The following MAPK8IP2 variants were observed in gnomAD, a reference collection of about 807,000 sequenced individuals.
The protein encoded by MAPK8IP2 is C-Jun-amino-terminal kinase-interacting protein 2.
MAPK8IP2 carries 15 observed loss-of-function variants against 75.6 expected under a neutral mutation model. The observed-to-expected ratio is 0.20, with a 90% CI of 0.13 to 0.31. The LOEUF is 0.31. Ranked by LOEUF, MAPK8IP2 falls within the 10% of genes least tolerant of loss-of-function variation. MAPK8IP2 has a pLI of 1.00. For synonymous variants in MAPK8IP2, 632 were observed against 554.5 expected, an observed-to-expected ratio of 1.14 and a Z score of -1.96; for missense variants, 1,089 against 1,211.2, an observed-to-expected ratio of 0.90 and a Z score of 1.50.
chr22:50,601,957 CGTTCACTTGGGGTTTTAGG>C, intron 2 of MAPK8IP2, 63 bp downstream of exon 2: 1 of 1,396,826 alleles, frequency 7.2e-7, no homozygotes, highest in Non-Finnish European at 1.0e-6. Flanking sequence ...TTCTTCTTAG[CGTTCACTTGGGGTTTTAGG>C]GTGGGTGTGA....
intron 2 of MAPK8IP2, 37 bp downstream of exon 2, chr22:50,601,931 G>A (rs1193747077): frequency 6.5e-7 from 1 of 1,542,188 alleles, no homozygotes; most frequent in Middle Eastern, 1.7e-4. Flanking sequence ...CCAGCTCAAG[G>A]GAGGGCCTCA....
At chr22:50,601,565 G>T (rs2070938597) in intron 1 of MAPK8IP2, 2 of 520,550 alleles carry the variant, frequency 3.8e-6, no homozygotes, top group Admixed American at 3.2e-5. Flanking sequence ...GGAGGGGTGG[G>T]GGCAGGGTTG....
Position 50,605,382 on chromosome 22 carries a change from G to C in MAPK8IP2, c.1780G>C (p.Gly594Arg). 1 of 1,613,584 alleles carries C rather than the reference G, an allele frequency of 6.2e-7. No homozygotes were observed. Among genetic ancestry groups the C allele is most frequent in the Non-Finnish European group, 8.5e-7 (1 of 1,179,860 alleles). The change falls in exon 6 of 12, where the codon GGC becomes CGC. Residue 594 changes from glycine (G) to arginine (R), a missense_variant. Coordinates refer to ENST00000329492, the MANE Select transcript of MAPK8IP2 (RefSeq NM_012324.6). ...GGGTCTCCCAGGCACCGAGTCCTTT[G>C]GCCTTTTCTCCTGTCTGGTCAACGG... is the stretch of plus-strand genomic sequence containing the variant. ...TSRSSSTESF[G>R]LFSCLVNGEE...
chr22:50,605,133 G>C (rs1025333587), intron 5 of MAPK8IP2, 69 bp downstream of exon 5: 13 of 1,574,864 alleles, frequency 8.3e-6, no homozygotes, highest in South Asian at 2.2e-5. Context: ...CCAGTCCCAG[G>C]GTCCCCCACA....
rs1269870049 is a variant in MAPK8IP2 at position 50,606,733 on chromosome 22, G to C, written c.2200G>C (p.Val734Leu). The C allele has an allele frequency of 1.3e-6, 2 of 1,587,254 alleles. No individual in the cohort carries two copies. The highest frequency in any genetic ancestry group is 1.7e-6 in the Non-Finnish European group (2 of 1,167,014). Residue 734 changes from valine (V) to leucine (L), a missense_variant, in exon 9 of 12, where the codon GTC becomes CTC. Coordinates refer to ENST00000329492, the MANE Select transcript of MAPK8IP2 (RefSeq NM_012324.6). ...TGACCTCGAGATCTCTCTTCGGGGG[G>C]TCAAGCTGAGTCTGAGCGGAGGAGG... Reference protein sequence around the residue: ...SCDLEISLRGVKLSLSGGGPE... With the variant: ...SCDLEISLRGLKLSLSGGGPE...
chr22:50,604,320 C>T lies in MAPK8IP2; in HGVS notation c.1021C>T (p.Leu341Phe), dbSNP rs1303443887. Residue 341 changes from leucine (L) to phenylalanine (F), a missense_variant, in exon 5 of 12, where the codon CTC becomes TTC. Around this residue, in one of 2 missense-constraint regions of MAPK8IP2, gnomAD observed 960 missense variants for 1,009.6 expected, o/e 0.95. Transcript: ENST00000329492. ...YESGSESEPD[L>F]SEDADSPWLL... ...GTCGGGGTCGGAGTCGGAGCCGGAC[C>T]TCAGCGAGGACGCGGACTCGCCCTG... The T allele has an allele frequency of 4.5e-6, 7 of 1,541,826 alleles. No homozygotes were observed. Among genetic ancestry groups the T allele is most frequent in the East Asian group, 2.4e-5 (1 of 41,166 alleles).
rs992925208 is a variant in MAPK8IP2, at chr22:50,607,403, C to T, written c.2303+412C>T. Among the ~76,000 whole-genome samples the T allele has an allele frequency of 6.6e-5, 10 of 151,976 alleles. No homozygotes were observed. The highest frequency in any genetic ancestry group is 2.2e-4 in the African/African-American group (9 of 41,344). ...CGGGGGCTATATAGGCTCTGGGGCC[C>T]GCGTGTAAGGGGAGCAGCTAGAAAT... On this transcript the variant is annotated intron_variant, in intron 10 of 11. Coordinates refer to ENST00000329492, the MANE Select transcript of MAPK8IP2 (RefSeq NM_012324.6). This position sits in a 1 kb window ranked among gnomAD's most constrained non-coding sequence, Gnocchi z 5.6.
chr22:50,610,357 G>A lies in MAPK8IP2; in HGVS notation c.2402+47G>A, dbSNP rs375815268. ...GGGTGCAGAATGGGTGCAGGGTTACGGAGGTGGGGAGCGGAGGTGAGCAGG... is the reference window on the plus strand; with the variant it reads ...GGGTGCAGAATGGGTGCAGGGTTACAGAGGTGGGGAGCGGAGGTGAGCAGG... On this transcript the variant is annotated intron_variant, in intron 11 of 11. Transcript: ENST00000329492. The surrounding 1 kb of genome is among the most constrained non-coding windows in gnomAD (Gnocchi z 4.3). The A allele has an allele frequency of 2.4e-5, 35 of 1,482,330 alleles. No individual in the cohort carries two copies. In the African/African-American group the frequency reaches 3.3e-4, roughly 14 times the overall value. The allele number at this position is 1,482,330 out of a possible 1,614,324, so 91.8% of individuals were successfully genotyped here.
intron 6 of MAPK8IP2, 33 bp from the exon 7 acceptor site, chr22:50,605,529 C>G (rs752847475): frequency 2.3e-6 from 2 of 851,118 alleles, no homozygotes; most frequent in Non-Finnish European, 3.7e-6. Flanking sequence ...TCAATCCCGC[C>G]CCCCTCCCCA....
intron 4 of MAPK8IP2, 24 bp from the exon 5 acceptor site, chr22:50,603,817 T>A: frequency 6.6e-7 from 1 of 1,522,162 alleles, no homozygotes; most frequent in Non-Finnish European, 8.8e-7. Context: ...GCAGAGAGGG[T>A]GACCCCACCT....
chr22:50,601,927 C>G (rs1338267552), intron 2 of MAPK8IP2, 33 bp downstream of exon 2: 1 of 1,545,796 alleles, frequency 6.5e-7, no homozygotes. Context: ...AGATCCAGCT[C>G]AAGGGAGGGC....
Position 50,602,918 on chromosome 22 carries a change from G to A in MAPK8IP2, c.172-305G>A, listed in dbSNP as rs1051058426. On this transcript the variant is annotated intron_variant, in intron 2 of 11. Coordinates refer to ENST00000329492, the MANE Select transcript of MAPK8IP2 (RefSeq NM_012324.6). ...TAAGTTGTGTTAAAACGCTGCGAAGGGAACACAGTGCTGGTGTCAAATGTG... is the reference window on the plus strand; with the variant it reads ...TAAGTTGTGTTAAAACGCTGCGAAGAGAACACAGTGCTGGTGTCAAATGTG... Among the ~76,000 whole-genome samples the A allele has an allele frequency of 2.6e-5, 4 of 152,198 alleles. No homozygotes were observed. The East Asian group carries it at 7.7e-4, about 29-fold the overall frequency.
chr22:50,611,107 C>A lies in MAPK8IP2; in HGVS notation c.*328C>A. On this transcript the variant is annotated 3_prime_UTR_variant, in exon 12 of 12. Transcript: ENST00000329492. This position sits in a 1 kb window ranked among gnomAD's most constrained non-coding sequence, Gnocchi z 5.5. ...CCTGCAAACCTTATCCTCTATTCTT[C>A]ACTTTGGGGTCAGAACTTCGGGGGT... 3.6e-6 allele frequency: 1 copy of A among 278,590 alleles called. No individual in the cohort carries two copies. The highest frequency in any genetic ancestry group is 6.7e-6 in the Non-Finnish European group (1 of 149,404). The allele number at this position is 278,590 out of a possible 1,614,324, so 17.3% of individuals were successfully genotyped here.
At chr22:50,603,574 C>A in intron 3 of MAPK8IP2, 52 bp from the exon 4 acceptor site, 1 of 1,582,228 alleles carries the variant, frequency 6.3e-7, no homozygotes, top group Admixed American at 1.8e-5. Flanking sequence ...GCCCTGCTCA[C>A]CCCCTGGGAG....
rs948919788 is a variant in MAPK8IP2, at chr22:50,604,394, C to T, written c.1095C>T (p.Pro365=). ...GCATGATCTCCGAGGGCTCCTCGCC[C>T]ATCCGCTGCCCCGGCCAGTGCCTGT... ...VSRMISEGSS[P]IRCPGQCLSP... The change falls in exon 5 of 12, where the codon CCC becomes CCT. Residue 365 remains proline (P), a synonymous_variant. Coordinates refer to ENST00000329492, the MANE Select transcript of MAPK8IP2 (RefSeq NM_012324.6). The T allele has an allele frequency of 1.4e-5, 22 of 1,523,318 alleles. No individual in the cohort carries two copies. Among genetic ancestry groups the T allele is most frequent in the African/African-American group, 7.0e-5 (5 of 71,076 alleles). 94.4% of individuals were successfully genotyped at this position (1,523,318 alleles called of 1,614,324 possible).
In MAPK8IP2 at chr22:50,606,707, G is replaced by A. The variant is rs753124597; in HGVS notation, c.2174G>A (p.Cys725Tyr). The change falls in exon 9 of 12, where the codon TGT (cysteine) becomes TAT (tyrosine). Residue 725 changes from cysteine (C) to tyrosine (Y), a missense_variant. Physicochemically the swap from Cys to Tyr is radical, Grantham distance 194 (BLOSUM62 -2). Around this residue, in one of 2 missense-constraint regions of MAPK8IP2, gnomAD observed 129 missense variants for 201.7 expected, o/e 0.64. Coordinates refer to ENST00000329492, the MANE Select transcript of MAPK8IP2 (RefSeq NM_012324.6). ...GTCCACCTGCGCCCTCCTGCCTCCTGTGACCTCGAGATCTCTCTTCGGGGG... is the reference window on the plus strand; with the variant it reads ...GTCCACCTGCGCCCTCCTGCCTCCTATGACCTCGAGATCTCTCTTCGGGGG... ...LTVHLRPPAS[C>Y]DLEISLRGVK... is the part of the protein sequence containing the mutation. The A allele has an allele frequency of 6.3e-7, 1 of 1,596,712 alleles. No homozygotes were observed.
rs2071151256 is a variant in MAPK8IP2, at chr22:50,611,532, ACT to A, written c.*758_*759del. On this transcript the variant is annotated 3_prime_UTR_variant, in exon 12 of 12. Transcript: ENST00000329492. This position sits in a 1 kb window ranked among gnomAD's most constrained non-coding sequence, Gnocchi z 5.5. ...TGGGCCCTGCCCATGGCCTCAATAAACTCTCTGCTTGGTGTGACATTGGCTGT... is the reference window on the plus strand; with the variant it reads ...TGGGCCCTGCCCATGGCCTCAATAAACTCTGCTTGGTGTGACATTGGCTGT... 1.3e-5 allele frequency: 2 copies of A among 151,816 alleles called. No homozygotes were observed. The highest frequency in any genetic ancestry group is 2.4e-5 in the African/African-American group (1 of 41,252). The allele number at this position is 151,816 out of a possible 1,614,324, so 9.4% of individuals were successfully genotyped here.
chr22:50,605,640 C>T lies in MAPK8IP2; in HGVS notation c.1920C>T (p.Phe640=). 1.9e-6 allele frequency: 3 copies of T among 1,612,356 alleles called. No homozygotes were observed. Among genetic ancestry groups the T allele is most frequent in the South Asian group, 2.2e-5 (2 of 90,828 alleles). ...PVLVEAEEDD[F]WFRGFNMRTG... is the part of the protein sequence containing the mutation. ...TGGTGGAGGCCGAGGAGGACGACTT[C>T]TGGTTCCGTGGCTTCAACATGCGCA... Residue 640 remains phenylalanine, a synonymous_variant, in exon 7 of 12, where the codon TTC becomes TTT. Coordinates refer to ENST00000329492, the MANE Select transcript of MAPK8IP2 (RefSeq NM_012324.6).
chr22:50,610,647 A>G lies in MAPK8IP2; in HGVS notation c.2403-60A>G. On this transcript the variant is annotated intron_variant, in intron 11 of 11. Coordinates refer to ENST00000329492, the MANE Select transcript of MAPK8IP2 (RefSeq NM_012324.6). The surrounding 1 kb of genome is among the most constrained non-coding windows in gnomAD (Gnocchi z 4.3). ...AGGGAGAGCTCAGAGGCTCTGTGGA[A>G]GGCAGTTTGGGGGTTGAGGACCGGC... The G allele has an allele frequency of 7.2e-7, 1 of 1,380,944 alleles. No individual in the cohort carries two copies. The highest frequency in any genetic ancestry group is 1.8e-4 in the Middle Eastern group (1 of 5,556). The allele number at this position is 1,380,944 out of a possible 1,614,324, so 85.5% of individuals were successfully genotyped here. A position where few individuals can be genotyped will look rare whatever the true frequency, so the allele number is the denominator to read the frequency against.
Sources: allele counts gnomAD v4.1 joint callset (sites outside exome capture counted in the v4.1 genomes callset), GRCh38; gene constraint gnomAD v4.1.1; regional missense constraint gnomAD v4.1.1; non-coding constraint Gnocchi (gnomAD v3.1); transcripts MANE v1.5; gene names NCBI Gene and HGNC (gene_info 2026-07-23, HGNC 2026-07-21).